Variants in CDK14 observed in about 807,000 individuals in gnomAD.
CDK14 encodes the protein cyclin dependent kinase 14.
A neutral mutation model predicts 60.7 loss-of-function variants in CDK14; 34 were observed. That is an observed-to-expected ratio of 0.56 (90% CI 0.43 to 0.75). The LOEUF (loss-of-function observed/expected upper bound fraction) is 0.75, where lower values mean the gene tolerates loss of function less well. CDK14 is among the 30% of genes least tolerant of loss of function. CDK14 has a pLI of 0.00. For missense variants in CDK14, 482 were observed against 564.1 expected, an observed-to-expected ratio of 0.85 and a Z score of 1.47; for synonymous variants, 197 against 203.7, an observed-to-expected ratio of 0.97 and a Z score of 0.28.
intron 3 of CDK14, among the ~76,000 whole-genome samples, chr7:90,742,698 G>A (rs1027047893): frequency 4.0e-5 from 6 of 151,784 alleles, no homozygotes; most frequent in African/African-American, 1.4e-4. Context: ...TTTCTTTTAT[G>A]TATTGGTTTG....
chr7:90,649,165 A>G (rs1021365720), intron 2 of CDK14, among the ~76,000 whole-genome samples: 2 of 152,182 alleles, frequency 1.3e-5, no homozygotes, highest in Admixed American at 1.3e-4. Flanking sequence ...TGCAGTAGGG[A>G]GAGAAAGGAC....
intron 10 of CDK14, among the ~76,000 whole-genome samples, chr7:91,041,199 G>A (rs1246569560): frequency 6.8e-6 from 1 of 146,226 alleles, no homozygotes; most frequent in South Asian, 2.2e-4. Flanking sequence ...TTTAACAGAT[G>A]TTAAATAGTC....
chr7:90,963,086 A>AGAGAGTGTGTGTGTGTGT (rs146903374), intron 9 of CDK14, among the ~76,000 whole-genome samples: 4 of 142,080 alleles, frequency 2.8e-5, no homozygotes, highest in South Asian at 2.4e-4. Flanking sequence ...TCATCTTAAG[A>AGAGAGTGTGTGTGTGTGT]GTGTGTGTGT....
chr7:90,862,545 T>G (rs1791043762), intron 5 of CDK14, among the ~76,000 whole-genome samples: 2 of 152,132 alleles, frequency 1.3e-5, no homozygotes, highest in Admixed American at 1.3e-4. Flanking sequence ...AATTGACAGA[T>G]CCACCATTAC....
At chr7:91,179,022 G>A (rs1042213931) in intron 14 of CDK14, among the ~76,000 whole-genome samples, 2 of 152,086 alleles carry the variant, frequency 1.3e-5, no homozygotes, top group South Asian at 2.1e-4. Flanking sequence ...GTTTATTGCG[G>A]CATTATTCAC....
At chr7:90,803,294 T>C (rs999324953) in intron 5 of CDK14, among the ~76,000 whole-genome samples, 3 of 152,264 alleles carry the variant, frequency 2.0e-5, no homozygotes, top group Admixed American at 6.5e-5. Context: ...ATGCAGATTT[T>C]TATTGAATTT....
chr7:90,916,185 G>GT (rs1793075396), intron 7 of CDK14, among the ~76,000 whole-genome samples: 1 of 152,164 alleles, frequency 6.6e-6, no homozygotes. Context: ...GATGCAGGGA[G>GT]TATTGGAAGT....
chr7:91,115,442 C>G (rs1429125186), intron 13 of CDK14, among the ~76,000 whole-genome samples: 1 of 152,138 alleles, frequency 6.6e-6, no homozygotes, highest in Non-Finnish European at 1.5e-5. Context: ...ATGAGTTCAT[C>G]TAACCCTAAT....
At chr7:91,107,795 T>C (rs1303779147) in intron 12 of CDK14, 1 of 152,176 alleles carries the variant, frequency 6.6e-6, no homozygotes, top group African/African-American at 2.4e-5. Context: ...TTGCAGTAAA[T>C]AAAACCGGGC....
At chr7:91,090,153 T>C (rs1014008653) in intron 12 of CDK14, among the ~76,000 whole-genome samples, 2 of 152,212 alleles carry the variant, frequency 1.3e-5, no homozygotes, top group East Asian at 3.8e-4. Flanking sequence ...CTCACACTTC[T>C]TTGGGGTGAG....
At chr7:91,146,166 A>G (rs1800631523) in intron 14 of CDK14, among the ~76,000 whole-genome samples, 1 of 152,160 alleles carries the variant, frequency 6.6e-6, no homozygotes, top group Admixed American at 6.5e-5. Flanking sequence ...GGGCTAAAAC[A>G]TGTAGCTATA....
chr7:90,611,715 G>A (rs2116342045), intron 2 of CDK14, among the ~76,000 whole-genome samples: 1 of 152,134 alleles, frequency 6.6e-6, no homozygotes, highest in African/African-American at 2.4e-5. Flanking sequence ...CCGATCCCCT[G>A]CTTACTGCTT....
rs372506996 is a variant in CDK14, at chr7:90,918,895, G to A, written c.826+1171G>A. On this transcript the variant is annotated intron_variant, in intron 8 of 14. Transcript: ENST00000380050. Reference sequence around the variant, plus strand: ...AATAAAACAAAAGTTAGTATGACTAGTTGAGTAGTGATATAGATTATAAAA... The same window carrying A: ...AATAAAACAAAAGTTAGTATGACTAATTGAGTAGTGATATAGATTATAAAA... Among the ~76,000 whole-genome samples the A allele has an allele frequency of 1.7e-4, 26 of 152,304 alleles. No homozygotes were observed. In the East Asian group the frequency reaches 5.0e-3, roughly 29 times the overall value.
chr7:91,000,570 A>G (rs1359219354), intron 10 of CDK14, among the ~76,000 whole-genome samples: 1 of 152,212 alleles, frequency 6.6e-6, no homozygotes, highest in African/African-American at 2.4e-5. Context: ...TGTTGCTACA[A>G]TGACAGAGAG....
At chr7:91,107,544 G>A (rs1344696111) in intron 12 of CDK14, 1 of 152,208 alleles carries the variant, frequency 6.6e-6, no homozygotes, top group Non-Finnish European at 1.5e-5. Context: ...TTTGTAAAAT[G>A]AAGTTTCTTG....
chr7:90,637,847 G>C (rs181796389), intron 2 of CDK14, among the ~76,000 whole-genome samples: 10 of 150,210 alleles, frequency 6.7e-5, no homozygotes, highest in Admixed American at 1.3e-4. Context: ...ATTTAGGATA[G>C]TTAGCTGCTC....
Position 91,087,579 on chromosome 7 carries a change from G to A in CDK14, c.1154+8099G>A, listed in dbSNP as rs567552492. ...TTGTTTAATCTTTAAGTAAGGTAAG[G>A]GTATAAATTACTGGGTACCTTACTA... On this transcript the variant is annotated intron_variant, in intron 12 of 14. Coordinates refer to ENST00000380050, the MANE Select transcript of CDK14 (RefSeq NM_001287135.2). Among the ~76,000 whole-genome samples the A allele has an allele frequency of 3.9e-5, 6 of 152,082 alleles. No homozygotes were observed. The South Asian group carries it at 6.2e-4, about 16-fold the overall frequency.
chr7:90,954,400 T>G (rs888914854), intron 8 of CDK14, among the ~76,000 whole-genome samples: 3 of 152,100 alleles, frequency 2.0e-5, no homozygotes, highest in African/African-American at 7.2e-5. Context: ...TACTTTATAC[T>G]TGTCACTAAT....
In CDK14 at chr7:91,131,808, C is replaced by T. The variant is rs1800126618; in HGVS notation, c.*28+13600C>T. Among the ~76,000 whole-genome samples the T allele has an allele frequency of 2.6e-5, 4 of 152,246 alleles. No individual in the cohort carries two copies. The South Asian group carries it at 8.3e-4, about 32-fold the overall frequency. The stretch of plus-strand genomic sequence containing the variant: ...AGTCACCTGTTCATTTGTCTTCCTT[C>T]CCCACTGGAATCTAAATATCAGAAT... On this transcript the variant is annotated intron_variant, in intron 14 of 14. Coordinates refer to ENST00000380050, the MANE Select transcript of CDK14 (RefSeq NM_001287135.2).
Sources: allele counts gnomAD v4.1 joint callset (sites outside exome capture counted in the v4.1 genomes callset), GRCh38; gene constraint gnomAD v4.1.1; transcripts MANE v1.5; gene names NCBI Gene and HGNC (gene_info 2026-07-23, HGNC 2026-07-21).